The following LPP variants were observed in gnomAD, a reference collection of about 807,000 sequenced individuals.
LPP encodes the protein LIM domain containing preferred translocation partner in lipoma.
In LPP, 38 loss-of-function variants were observed where a neutral mutation model predicts 60.4. That is an observed-to-expected ratio of 0.63 (90% CI 0.49 to 0.83). The LOEUF is 0.83. LPP is among the 40% of genes least tolerant of loss of function. LPP has a pLI of 0.00. For synonymous variants in LPP, 328 were observed against 290.8 expected (o/e 1.13, Z -1.30); for missense variants, 902 against 783.6 (o/e 1.15, Z -1.80).
intron 5 of LPP, among the ~76,000 whole-genome samples, chr3:188,486,636 T>C (rs978694782): frequency 1.3e-5 from 2 of 152,254 alleles, no homozygotes; most frequent in African/African-American, 2.4e-5. Flanking sequence ...TATCTATCAT[T>C]TGAAATCAGT....
intron 9 of LPP, among the ~76,000 whole-genome samples, chr3:188,784,154 T>C (rs938135644): frequency 6.6e-6 from 1 of 151,892 alleles, no homozygotes; most frequent in Non-Finnish European, 1.5e-5. Context: ...AGCTCCCACA[T>C]ATCAGTGAGA....
intron 5 of LPP, among the ~76,000 whole-genome samples, chr3:188,492,069 G>A (rs1221485871): frequency 6.6e-6 from 1 of 152,156 alleles, no homozygotes; most frequent in Non-Finnish European, 1.5e-5. Context: ...TCTCTGCAGT[G>A]AAAGATTGGT....
chr3:188,810,800 T>A (rs1372258953), intron 9 of LPP, among the ~76,000 whole-genome samples: 2 of 152,086 alleles, frequency 1.3e-5, no homozygotes, highest in Non-Finnish European at 2.9e-5. Flanking sequence ...TTTAAATTAT[T>A]GTATGGGTGG....
In LPP at chr3:188,379,299, G is replaced by A. The variant is rs565963689; in HGVS notation, c.-9-26813G>A. ...ACAAATGACATTCTGAGGGGGCTTGGTGGAAGTAGTTTAACCCTGATAGGG... is the reference window on the plus strand; with the variant it reads ...ACAAATGACATTCTGAGGGGGCTTGATGGAAGTAGTTTAACCCTGATAGGG... On this transcript the variant is annotated intron_variant, in intron 3 of 11. Transcript: ENST00000617246. Among the ~76,000 whole-genome samples the A allele has an allele frequency of 5.3e-5, 8 of 152,268 alleles. No individual in the cohort carries two copies. The South Asian group carries it at 8.3e-4, about 16-fold the overall frequency.
At chr3:188,172,602 A>G (rs1471303408) in intron 1 of LPP, among the ~76,000 whole-genome samples, 1 of 152,142 alleles carries the variant, frequency 6.6e-6, no homozygotes, top group Non-Finnish European at 1.5e-5. Context: ...TTAATTTTGG[A>G]GTAATTTTAG....
At chr3:188,778,714 C>T (rs1423593573) in intron 9 of LPP, among the ~76,000 whole-genome samples, 1 of 152,114 alleles carries the variant, frequency 6.6e-6, no homozygotes, top group Non-Finnish European at 1.5e-5. Context: ...CCAACCACCC[C>T]ATGTGCACAT....
At chr3:188,649,261 C>A (rs1851646336) in intron 7 of LPP, among the ~76,000 whole-genome samples, 1 of 152,274 alleles carries the variant, frequency 6.6e-6, no homozygotes, top group Admixed American at 6.5e-5. Flanking sequence ...GTAGCATTTA[C>A]AGGTAAAGGA....
chr3:188,279,088 G>C (rs73888212), intron 2 of LPP, among the ~76,000 whole-genome samples: 4,312 of 152,268 alleles, frequency 0.028, 211 homozygotes, highest in African/African-American at 0.099. Context: ...CTGACCTCCT[G>C]GGATGAGGCC....
intron 8 of LPP, among the ~76,000 whole-genome samples, chr3:188,750,825 T>A (rs577516274): frequency 1.3e-5 from 2 of 152,308 alleles, no homozygotes; most frequent in Admixed American, 1.3e-4. Context: ...TCAATATGAC[T>A]ATTACATGTT....
chr3:188,393,518 C>A lies in LPP; in HGVS notation c.-9-12594C>A, dbSNP rs151075038. On this transcript the variant is annotated intron_variant, in intron 3 of 11. Transcript: ENST00000617246. ...CTAAACGACCAAAACCTCATTAACA[C>A]AGTGTTTTCAGTAGGTGATTATATG... is the stretch of plus-strand genomic sequence containing the variant. Among the ~76,000 whole-genome samples the A allele has an allele frequency of 1.9e-4, 29 of 152,284 alleles. 1 individual carries two copies. The East Asian group carries it at 3.7e-3, about 19-fold the overall frequency.
At chr3:188,452,415 C>T (rs1796803104) in intron 4 of LPP, among the ~76,000 whole-genome samples, 1 of 152,160 alleles carries the variant, frequency 6.6e-6, no homozygotes, top group African/African-American at 2.4e-5. Context: ...TCACTTGCTG[C>T]ATGACAAGTC....
In LPP at chr3:188,889,825, A is replaced by C. The variant is rs1219385207; in HGVS notation, c.*15346A>C. 8 of 214,928 alleles carry C rather than the reference A, an allele frequency of 3.7e-5. No individual in the cohort carries two copies. Among genetic ancestry groups the C allele is most frequent in the Non-Finnish European group, 9.4e-6 (1 of 106,572 alleles). 13.3% of individuals were successfully genotyped at this position (214,928 alleles called of 1,614,324 possible). A position where few individuals can be genotyped will look rare whatever the true frequency, so the allele number is the denominator to read the frequency against. ...TGGCAAAAGGGTGATACTTTTCACT[A>C]AAAATGCCTACTCTTCCTGTTGATG... On this transcript the variant is annotated 3_prime_UTR_variant, in exon 12 of 12. Coordinates refer to ENST00000617246, the MANE Select transcript of LPP (RefSeq NM_001375462.1).
intron 8 of LPP, among the ~76,000 whole-genome samples, chr3:188,753,859 C>A (rs1379227047): frequency 6.6e-6 from 1 of 152,070 alleles, no homozygotes; most frequent in Admixed American, 6.6e-5. Flanking sequence ...CCCCCACTAG[C>A]CACGTACCTG....
At chr3:188,689,957 A>G (rs982240897) in intron 7 of LPP, among the ~76,000 whole-genome samples, 1 of 151,834 alleles carries the variant, frequency 6.6e-6, no homozygotes, top group Non-Finnish European at 1.5e-5. Context: ...TAGAAAATCC[A>G]GAATGGGATT....
chr3:188,800,597 A>G (rs565574379), intron 9 of LPP, among the ~76,000 whole-genome samples: 1 of 152,196 alleles, frequency 6.6e-6, no homozygotes, highest in South Asian at 2.1e-4. Flanking sequence ...TCAAAAGTGT[A>G]TGTATGTTTC....
intron 3 of LPP, among the ~76,000 whole-genome samples, 182 bp downstream of exon 3, chr3:188,341,901 T>G (rs1344450729): frequency 6.6e-6 from 1 of 152,170 alleles, no homozygotes; most frequent in Non-Finnish European, 1.5e-5. Context: ...TTTGATTTAT[T>G]TTTTTCCCTT....
At chr3:188,542,788 C>G (rs1469873244) in intron 6 of LPP, among the ~76,000 whole-genome samples, 3 of 152,050 alleles carry the variant, frequency 2.0e-5, no homozygotes, top group Non-Finnish European at 4.4e-5. Flanking sequence ...GGTCCTCTTC[C>G]CAGTTGTGTA....
rs1228096600 is a variant in LPP, at chr3:188,887,416, G to A, written c.*12937G>A. The A allele has an allele frequency of 4.6e-6, 1 of 215,790 alleles. No homozygotes were observed. The highest frequency in any genetic ancestry group is 1.9e-4 in the South Asian group (1 of 5,384). The allele number at this position is 215,790 out of a possible 1,614,324, so 13.4% of individuals were successfully genotyped here. On this transcript the variant is annotated 3_prime_UTR_variant, in exon 12 of 12. Transcript: ENST00000617246. ...GCAGGTTATGATATATCTGCCCAAT[G>A]TGTTTCATTCCTTCAAACATAAACT...
intron 9 of LPP, among the ~76,000 whole-genome samples, chr3:188,774,879 C>CT (rs1160051099): frequency 6.6e-6 from 1 of 152,132 alleles, no homozygotes; most frequent in Non-Finnish European, 1.5e-5. Context: ...TATACACATA[C>CT]TATCACTTTG....
Sources: gnomAD v4.1 joint callset for allele counts (sites outside exome capture counted in the v4.1 genomes callset) on GRCh38, gnomAD v4.1.1 for gene constraint, MANE v1.5 for transcripts, NCBI Gene and HGNC (gene_info 2026-07-23, HGNC 2026-07-21) for gene names.